The following FOXP2 variants were observed in gnomAD, a reference collection of about 807,000 sequenced individuals.
FOXP2 encodes the protein forkhead box protein P2.
In FOXP2, 12 loss-of-function variants were observed where a neutral mutation model predicts 115.8. That is an observed-to-expected ratio of 0.10 (90% CI 0.07 to 0.17). FOXP2 has a LOEUF of 0.17. Among genes scored for constraint, FOXP2 ranks in the 10% least tolerant of loss-of-function variants. FOXP2 has a pLI of 1.00. For missense variants in FOXP2, 629 were observed against 843.5 expected, an observed-to-expected ratio of 0.75 and a Z score of 3.15; for synonymous variants, 328 against 297.7, an observed-to-expected ratio of 1.10 and a Z score of -1.05.
At position 114,200,545 on chromosome 7, in the gene FOXP2, G is replaced by A. The variant is rs557368681; in HGVS notation, c.-102+37457G>A. The stretch of plus-strand genomic sequence containing the variant: ...AAGTGACATTTATTGATCTTGCAGT[G>A]CCTATGATTTCTATAAAACCTAGTT... On this transcript the variant is annotated intron_variant, in intron 1 of 17. Transcript: ENST00000634411. Among the ~76,000 whole-genome samples, 7 of 152,268 alleles carry A rather than the reference G, an allele frequency of 4.6e-5. No individual in the cohort carries two copies. The South Asian group carries it at 1.4e-3, about 32-fold the overall frequency.
At chr7:114,318,379 GTTTTTT>G (rs201941261) in intron 2 of FOXP2, among the ~76,000 whole-genome samples, 1 of 116,826 alleles carries the variant, frequency 8.6e-6, no homozygotes, top group Non-Finnish European at 1.8e-5. Context: ...GTCTCTCTTT[GTTTTTT>G]TTTTTTTTTT....
At chr7:114,556,219 G>C (rs565535375) in intron 3 of FOXP2, among the ~76,000 whole-genome samples, 20 of 152,196 alleles carry the variant, frequency 1.3e-4, no homozygotes, top group Non-Finnish European at 2.2e-4. Context: ...AATGAGGAGG[G>C]GTAAGAGGCT....
chr7:114,194,656 G>A (rs1441012508), intron 1 of FOXP2, among the ~76,000 whole-genome samples: 3 of 151,676 alleles, frequency 2.0e-5, no homozygotes, highest in Non-Finnish European at 4.4e-5. Flanking sequence ...TTTGCCACTA[G>A]CTTTTTGTTT....
At chr7:114,537,941 G>A (rs904115007) in intron 3 of FOXP2, among the ~76,000 whole-genome samples, 1 of 151,694 alleles carries the variant, frequency 6.6e-6, no homozygotes, top group East Asian at 1.9e-4. Flanking sequence ...TTCTTACTGT[G>A]TATACCAGAA....
intron 2 of FOXP2, among the ~76,000 whole-genome samples, chr7:114,478,844 A>G (rs754714902): frequency 6.6e-6 from 1 of 151,660 alleles, no homozygotes; most frequent in African/African-American, 2.4e-5. Context: ...CCTTCTCTCC[A>G]TTTACAAAAT....
chr7:114,581,835 A>G (rs1352446565), intron 3 of FOXP2, among the ~76,000 whole-genome samples: 1 of 152,240 alleles, frequency 6.6e-6, no homozygotes, highest in Non-Finnish European at 1.5e-5. Context: ...GGTGGTTAGC[A>G]TTATTAAAGA....
intron 2 of FOXP2, among the ~76,000 whole-genome samples, chr7:114,305,399 GTAAAT>G (rs1361741883): frequency 6.6e-6 from 1 of 152,062 alleles, no homozygotes; most frequent in Non-Finnish European, 1.5e-5. Flanking sequence ...TCTCCTTTAA[GTAAAT>G]TAAATTATAG....
intron 1 of FOXP2, among the ~76,000 whole-genome samples, chr7:114,152,359 A>G (rs1792549745): frequency 6.6e-6 from 1 of 152,326 alleles, no homozygotes; most frequent in Middle Eastern, 3.4e-3. Context: ...GGGAAGATCT[A>G]TTGATCAGTT....
intron 16 of FOXP2, among the ~76,000 whole-genome samples, chr7:114,673,790 C>T (rs552491409): frequency 1.1e-4 from 17 of 152,214 alleles, no homozygotes; most frequent in Admixed American, 5.2e-4. Context: ...ACCTCTGCCT[C>T]GCAGGTTCAA....
chr7:114,170,508 C>T (rs1793110004), intron 1 of FOXP2, among the ~76,000 whole-genome samples: 1 of 152,194 alleles, frequency 6.6e-6, no homozygotes, highest in South Asian at 2.1e-4. Context: ...AAAGTTAGGC[C>T]TCTTATGACA....
intron 1 of FOXP2, among the ~76,000 whole-genome samples, chr7:114,144,342 T>G (rs1181343867): frequency 6.6e-6 from 1 of 152,198 alleles, no homozygotes; most frequent in Non-Finnish European, 1.5e-5. Context: ...TGCTCATCTT[T>G]TTACTGTCTC....
At chr7:114,659,094 C>T (rs1200397676) in intron 11 of FOXP2, among the ~76,000 whole-genome samples, 2 of 152,120 alleles carry the variant, frequency 1.3e-5, no homozygotes, top group Admixed American at 1.3e-4. Flanking sequence ...TTAAAGAAGA[C>T]CTGGCTATTG....
intron 3 of FOXP2, among the ~76,000 whole-genome samples, chr7:114,571,391 T>G (rs1232361260): frequency 6.6e-6 from 1 of 151,898 alleles, no homozygotes; most frequent in East Asian, 1.9e-4. Context: ...ACATAGCAGT[T>G]ATCCTTGGAA....
At chr7:114,129,364 C>T (rs148801697) in intron 1 of FOXP2, among the ~76,000 whole-genome samples, 155 of 152,214 alleles carry the variant, frequency 1.0e-3, no homozygotes, top group African/African-American at 3.3e-3. Context: ...TTTGTATCAA[C>T]TTGTTTGTGC....
At chr7:114,132,740 G>C (rs1239665981) in intron 1 of FOXP2, among the ~76,000 whole-genome samples, 1 of 152,084 alleles carries the variant, frequency 6.6e-6, no homozygotes, top group African/African-American at 2.4e-5. Context: ...GGAATGGCAA[G>C]TATTGAAGTA....
intron 1 of FOXP2, among the ~76,000 whole-genome samples, chr7:114,277,468 T>A (rs1796216495): frequency 6.6e-6 from 1 of 152,068 alleles, no homozygotes; most frequent in Non-Finnish European, 1.5e-5. Context: ...AGCATAGTGC[T>A]TATACCTACG....
chr7:114,135,838 C>T (rs1389666417), intron 1 of FOXP2, among the ~76,000 whole-genome samples: 2 of 152,050 alleles, frequency 1.3e-5, no homozygotes, highest in Non-Finnish European at 1.5e-5. Flanking sequence ...ATTTGTAAAG[C>T]AAATGTGAAT....
intron 6 of FOXP2, among the ~76,000 whole-genome samples, chr7:114,637,054 G>A (rs1225373972): frequency 6.6e-6 from 1 of 152,000 alleles, no homozygotes; most frequent in Non-Finnish European, 1.5e-5. Flanking sequence ...TATGCCTGTG[G>A]TCGGTCACAT....
At chr7:114,227,382 A>G (rs1312289200) in intron 1 of FOXP2, among the ~76,000 whole-genome samples, 1 of 152,046 alleles carries the variant, frequency 6.6e-6, no homozygotes, top group Non-Finnish European at 1.5e-5. Context: ...AAAGACTCCA[A>G]ACACCCAAGC....
Sources: allele counts gnomAD v4.1 joint callset (sites outside exome capture counted in the v4.1 genomes callset), GRCh38; gene constraint gnomAD v4.1.1; transcripts MANE v1.5; gene names NCBI Gene and HGNC (gene_info 2026-07-23, HGNC 2026-07-21).